The following LPAR1 variants were observed in gnomAD, a reference collection of about 807,000 sequenced individuals.
LPAR1 encodes the protein LPA receptor 1.
A neutral mutation model predicts 23.8 loss-of-function variants in LPAR1; 5 were observed. The observed-to-expected ratio is 0.21, with a 90% CI of 0.11 to 0.44. The LOEUF (loss-of-function observed/expected upper bound fraction) is 0.44, where lower values mean the gene tolerates loss of function less well. Ranked by LOEUF, LPAR1 falls within the 20% of genes least tolerant of loss-of-function variation. The probability of loss-of-function intolerance (pLI) is 0.99; values close to 1 mark genes in which losing one functional copy is unlikely to be tolerated. For synonymous variants in LPAR1, 160 were observed against 164.7 expected, an observed-to-expected ratio of 0.97 and a Z score of 0.22; for missense variants, 311 against 482.8, an observed-to-expected ratio of 0.64 and a Z score of 3.33.
intron 5 of LPAR1, among the ~76,000 whole-genome samples, chr9:110,895,280 T>C (rs2133471868): frequency 6.6e-6 from 1 of 152,286 alleles, no homozygotes; most frequent in Non-Finnish European, 1.5e-5. Context: ...GACGCCCCAC[T>C]CTGAGCATGC....
At chr9:111,006,954 T>C (rs930128236) in intron 2 of LPAR1, among the ~76,000 whole-genome samples, 1 of 152,084 alleles carries the variant, frequency 6.6e-6, no homozygotes, top group African/African-American at 2.4e-5. Context: ...CATGAATGGT[T>C]CTGGAACATT....
At chr9:110,891,397 T>A (rs896946026) in intron 5 of LPAR1, among the ~76,000 whole-genome samples, 9 of 152,198 alleles carry the variant, frequency 5.9e-5, no homozygotes, top group Non-Finnish European at 1.3e-4. Context: ...AAAATAGGAA[T>A]TCTTTCAAAA....
chr9:110,933,300 T>G (rs2094510258), intron 5 of LPAR1, among the ~76,000 whole-genome samples: 1 of 152,018 alleles, frequency 6.6e-6, no homozygotes, highest in Non-Finnish European at 1.5e-5. Flanking sequence ...TAGGTAGATG[T>G]GAATGGATGT....
chr9:110,915,675 A>G (rs2093009163), intron 5 of LPAR1, among the ~76,000 whole-genome samples: 1 of 152,244 alleles, frequency 6.6e-6, no homozygotes, highest in Non-Finnish European at 1.5e-5. Context: ...GTATGTACAC[A>G]TATAACCACA....
At chr9:110,928,074 T>C (rs942762555) in intron 5 of LPAR1, among the ~76,000 whole-genome samples, 3 of 152,062 alleles carry the variant, frequency 2.0e-5, no homozygotes, top group African/African-American at 7.2e-5. Flanking sequence ...TCAATAAGCT[T>C]CCTAGTAATA....
intron 2 of LPAR1, among the ~76,000 whole-genome samples, chr9:110,989,116 G>A (rs2096847217): frequency 6.6e-6 from 1 of 152,152 alleles, no homozygotes; most frequent in Non-Finnish European, 1.5e-5. Context: ...TGTTTTTCAG[G>A]AGTTTGGAAG....
intron 5 of LPAR1, among the ~76,000 whole-genome samples, chr9:110,901,548 A>AG (rs1222154849): frequency 6.6e-6 from 1 of 152,210 alleles, no homozygotes; most frequent in Non-Finnish European, 1.5e-5. Flanking sequence ...GAGTGTGTGC[A>AG]GGGGAATTGC....
Position 110,905,086 on chromosome 9 carries a change from C to A in LPAR1, c.794-29364G>T, listed in dbSNP as rs557149519. Among the ~76,000 whole-genome samples, 5 of 149,858 alleles carry A rather than the reference C, an allele frequency of 3.3e-5. No individual in the cohort carries two copies. The Admixed American group carries it at 3.3e-4, about 10-fold the overall frequency. ...GCAAAGCAGGGTCACCTATTTACTG[C>A]TGTTCATTCGGCATCCTTTTAGATC... On this transcript the variant is annotated intron_variant, in intron 5 of 5. Coordinates refer to ENST00000683809, the MANE Select transcript of LPAR1 (RefSeq NM_001351411.2).
intron 2 of LPAR1, among the ~76,000 whole-genome samples, chr9:110,983,380 A>G (rs2096713485): frequency 6.6e-6 from 1 of 152,164 alleles, no homozygotes; most frequent in Non-Finnish European, 1.5e-5. Context: ...CCCTGAAGAC[A>G]TTATGCTAAG....
chr9:110,915,462 C>T (rs868218317), intron 5 of LPAR1, among the ~76,000 whole-genome samples: 2 of 152,278 alleles, frequency 1.3e-5, no homozygotes, highest in Middle Eastern at 6.8e-3. Flanking sequence ...AGAAGAATCA[C>T]TTGAACCTGG....
chr9:110,918,270 G>A (rs1475757989), intron 5 of LPAR1, among the ~76,000 whole-genome samples: 1 of 152,054 alleles, frequency 6.6e-6, no homozygotes, highest in African/African-American at 2.4e-5. Context: ...CACATACTCT[G>A]TACACTTCTG....
chr9:110,977,659 G>A (rs2096579273), intron 2 of LPAR1, among the ~76,000 whole-genome samples: 1 of 151,902 alleles, frequency 6.6e-6, no homozygotes, highest in Non-Finnish European at 1.5e-5. Flanking sequence ...ATGCACGCGG[G>A]GCTTAAAACC....
chr9:110,981,595 T>TTA (rs1564242143), intron 2 of LPAR1, among the ~76,000 whole-genome samples: 1 of 150,980 alleles, frequency 6.6e-6, no homozygotes, highest in African/African-American at 2.4e-5. Context: ...TTTAAGGAAA[T>TTA]AAAAAAAAAT....
intron 4 of LPAR1, among the ~76,000 whole-genome samples, chr9:110,953,390 G>A (rs750340300): frequency 1.5e-4 from 23 of 152,178 alleles, no homozygotes; most frequent in African/African-American, 3.9e-4. Flanking sequence ...TAGTCCGGGC[G>A]TAGTGGCTCA....
intron 2 of LPAR1, among the ~76,000 whole-genome samples, chr9:110,990,262 T>C (rs922947586): frequency 6.6e-6 from 1 of 152,122 alleles, no homozygotes; most frequent in African/African-American, 2.4e-5. Flanking sequence ...AATTTGACAT[T>C]TTGAAAAGAC....
intron 5 of LPAR1, among the ~76,000 whole-genome samples, chr9:110,878,402 T>A (rs1564342095): frequency 6.6e-6 from 1 of 152,082 alleles, no homozygotes; most frequent in Non-Finnish European, 1.5e-5. Context: ...CCACAATGAA[T>A]GGATATTCTG....
chr9:111,001,130 CCTA>C (rs2097121665), intron 2 of LPAR1, among the ~76,000 whole-genome samples: 1 of 152,156 alleles, frequency 6.6e-6, no homozygotes, highest in South Asian at 2.1e-4. Flanking sequence ...CACTATTACT[CCTA>C]CTATTCAACA....
chr9:111,017,353 C>T (rs1057487847), intron 2 of LPAR1, among the ~76,000 whole-genome samples: 3 of 152,142 alleles, frequency 2.0e-5, no homozygotes, highest in African/African-American at 4.8e-5. Flanking sequence ...TCCCATCCCT[C>T]GAGTCTGAGT....
chr9:111,036,045 A>T (rs146700376), intron 2 of LPAR1, 77 bp downstream of exon 2: 1 of 152,360 alleles, frequency 6.6e-6, no homozygotes, highest in Non-Finnish European at 1.5e-5. Flanking sequence ...ACAACAAAAA[A>T]ATCAAATCAC....
Sources: gnomAD v4.1 joint callset for allele counts (sites outside exome capture counted in the v4.1 genomes callset) on GRCh38, gnomAD v4.1.1 for gene constraint, MANE v1.5 for transcripts, NCBI Gene and HGNC (gene_info 2026-07-23, HGNC 2026-07-21) for gene names.